Variants in FLRT1 observed in about 807,000 individuals in gnomAD.
FLRT1 encodes leucine-rich repeat transmembrane protein FLRT1.
A neutral mutation model predicts 30.9 loss-of-function variants in FLRT1; 14 were observed. The ratio of observed to expected loss-of-function variants is 0.45; its 90% CI spans 0.30 to 0.71. The LOEUF (loss-of-function observed/expected upper bound fraction) is 0.71. FLRT1 is among the 30% of genes least tolerant of loss of function. FLRT1 has a pLI of 0.08. For missense variants in FLRT1, 737 were observed against 949.2 expected (o/e 0.78, Z 2.94); for synonymous variants, 368 against 430.4 (o/e 0.85, Z 1.80).
intron 1 of FLRT1, among the ~76,000 whole-genome samples, chr11:64,070,652 TCAGGGGCCTCC>T (rs1944091726): frequency 6.6e-6 from 1 of 152,146 alleles, no homozygotes; most frequent in African/African-American, 2.4e-5. Flanking sequence ...GGCTGGGGCC[TCAGGGGCCTCC>T]CAGCTGATCG....
At chr11:64,080,293 G>A (rs980210118) in intron 1 of FLRT1, among the ~76,000 whole-genome samples, 8 of 152,206 alleles carry the variant, frequency 5.3e-5, no homozygotes, top group Admixed American at 2.0e-4. Flanking sequence ...GATTACAGAC[G>A]TGAGCCACTG....
intron 1 of FLRT1, among the ~76,000 whole-genome samples, chr11:64,037,577 G>A (rs1217797815): frequency 6.6e-6 from 1 of 152,196 alleles, no homozygotes; most frequent in African/African-American, 2.4e-5. Flanking sequence ...GGGGGCCCTG[G>A]TAGGTGTGAG....
At chr11:64,115,537 A>G (rs1944961750) in intron 2 of FLRT1, among the ~76,000 whole-genome samples, 1 of 152,222 alleles carries the variant, frequency 6.6e-6, no homozygotes, top group Non-Finnish European at 1.5e-5. Context: ...TTGACACCTC[A>G]TTCTTCTGTC....
Position 64,116,277 on chromosome 11 carries a change from G to GC in FLRT1, c.11dup (p.His5ThrfsTer77), listed in dbSNP as rs1260383413. 6.3e-7 allele frequency: 1 copy of GC among 1,595,380 alleles called. No individual in the cohort carries two copies. Among genetic ancestry groups the GC allele is most frequent in the Non-Finnish European group, 8.5e-7 (1 of 1,173,754 alleles). ...CCCCCAGCCATCCACCATGGTGGTG[G>GC]CACACCCCACCGCCACTGCCACCAC... On this transcript the variant is annotated frameshift_variant, in exon 3 of 3. Transcript: ENST00000682287. LOFTEE classifies it high-confidence loss of function.
chr11:64,050,026 G>A (rs560995049), intron 1 of FLRT1, among the ~76,000 whole-genome samples: 2 of 152,308 alleles, frequency 1.3e-5, no homozygotes, highest in Non-Finnish European at 2.9e-5. Flanking sequence ...ATATTAATAA[G>A]AAATGGCCTG....
At chr11:64,061,702 CTT>C (rs35179984) in intron 1 of FLRT1, among the ~76,000 whole-genome samples, 25 of 141,714 alleles carry the variant, frequency 1.8e-4, no homozygotes, top group Admixed American at 3.5e-4. Flanking sequence ...GTAAATGAGA[CTT>C]TTTTTTTTTT....
intron 2 of FLRT1, among the ~76,000 whole-genome samples, chr11:64,114,214 G>A (rs1944924111): frequency 6.6e-6 from 1 of 151,304 alleles, no homozygotes; most frequent in Non-Finnish European, 1.5e-5. Flanking sequence ...ATGGATGGAT[G>A]GATGAATGGA....
Position 64,117,330 on chromosome 11 carries a change from C to T in FLRT1, c.1063C>T (p.Leu355Phe). 1 of 1,614,100 alleles carries T rather than the reference C, an allele frequency of 6.2e-7. No individual in the cohort carries two copies. Among genetic ancestry groups the T allele is most frequent in the South Asian group, 1.1e-5 (1 of 91,076 alleles). Reference protein sequence around the residue: ...ARAAVVNVRGLMCQGPEKVRG... With the variant: ...ARAAVVNVRGFMCQGPEKVRG... Reference sequence around the variant, plus strand: ...GGCGGCCGTGGTCAACGTGCGGGGCCTCATGTGCCAGGGCCCTGAGAAGGT... The same window carrying T: ...GGCGGCCGTGGTCAACGTGCGGGGCTTCATGTGCCAGGGCCCTGAGAAGGT... Residue 355 changes from leucine (L) to phenylalanine (F), a missense_variant, in exon 3 of 3, where the codon CTC becomes TTC. Transcript: ENST00000682287.
chr11:64,041,584 C>T (rs1381818601), intron 1 of FLRT1, among the ~76,000 whole-genome samples: 1 of 151,546 alleles, frequency 6.6e-6, no homozygotes, highest in African/African-American at 2.4e-5. Flanking sequence ...AGCGAGTGAA[C>T]AGATGAATGA....
intron 1 of FLRT1, among the ~76,000 whole-genome samples, chr11:64,061,157 T>A (rs1167428942): frequency 6.6e-6 from 1 of 152,232 alleles, no homozygotes; most frequent in Non-Finnish European, 1.5e-5. Flanking sequence ...TAGGCTAGGC[T>A]GAGTCTTGTA....
intron 1 of FLRT1, among the ~76,000 whole-genome samples, chr11:64,055,979 C>T (rs997659629): frequency 7.2e-5 from 11 of 152,262 alleles, no homozygotes; most frequent in South Asian, 2.1e-4. Flanking sequence ...CTGGGAGGGA[C>T]GCGCTGTCGG....
Position 64,090,258 on chromosome 11 carries a change from C to A in FLRT1, c.-1037-12936C>A, listed in dbSNP as rs1030724508. Among the ~76,000 whole-genome samples the A allele has an allele frequency of 6.6e-6, 1 of 152,172 alleles. No individual in the cohort carries two copies. The highest frequency in any genetic ancestry group is 6.5e-5 in the Admixed American group (1 of 15,282). On this transcript the variant is annotated intron_variant, in intron 1 of 2. Coordinates refer to ENST00000682287, the MANE Select transcript of FLRT1 (RefSeq NM_013280.5). The surrounding 1 kb of genome is among the most constrained non-coding windows in gnomAD (Gnocchi z 4.7). The stretch of plus-strand genomic sequence containing the variant: ...GGCGTGTGGGTCTCCAGCCTTTGCT[C>A]ATCCTCGGGAAATGCATCGTGCGTT...
chr11:64,079,397 CG>C (rs1412599791), intron 1 of FLRT1, among the ~76,000 whole-genome samples: 1 of 138,570 alleles, frequency 7.2e-6, no homozygotes, highest in Non-Finnish European at 1.6e-5. Context: ...GGAAGGGGGT[CG>C]TTGGGGATGG....
intron 1 of FLRT1, among the ~76,000 whole-genome samples, chr11:64,041,752 A>T (rs921436635): frequency 2.0e-5 from 3 of 151,920 alleles, no homozygotes; most frequent in African/African-American, 7.3e-5. Flanking sequence ...ATCCAATTCC[A>T]CTTCTCTCTG....
Position 64,118,443 on chromosome 11 carries a change from C to A in FLRT1, c.*151C>A. 1 of 917,990 alleles carries A rather than the reference C, an allele frequency of 1.1e-6. No homozygotes were observed. The highest frequency in any genetic ancestry group is 1.5e-6 in the Non-Finnish European group (1 of 650,524). 56.9% of individuals were successfully genotyped at this position (917,990 alleles called of 1,614,324 possible). On this transcript the variant is annotated 3_prime_UTR_variant, in exon 3 of 3. Transcript: ENST00000682287. ...GAAAGCAAAGTTTGGGGAGGGCTGA[C>A]GATTTTGTAGAACACAACAGTGACA...
intron 1 of FLRT1, among the ~76,000 whole-genome samples, chr11:64,058,994 G>A (rs1023214212): frequency 6.6e-6 from 1 of 152,198 alleles, no homozygotes; most frequent in Admixed American, 6.5e-5. Flanking sequence ...CAAAACAGGG[G>A]CTCACTGTCT....
At chr11:64,086,726 C>T (rs1301302245) in intron 1 of FLRT1, among the ~76,000 whole-genome samples, 1 of 152,166 alleles carries the variant, frequency 6.6e-6, no homozygotes, top group African/African-American at 2.4e-5. Flanking sequence ...AAGGAAGGTT[C>T]TCGTGCTCAC....
chr11:64,066,792 C>T (rs1397065908), intron 1 of FLRT1, among the ~76,000 whole-genome samples: 1 of 152,212 alleles, frequency 6.6e-6, no homozygotes, highest in Non-Finnish European at 1.5e-5. Flanking sequence ...ATCCTAACAA[C>T]TATCCTACGA....
chr11:64,071,235 G>A (rs1944102748), intron 1 of FLRT1, among the ~76,000 whole-genome samples: 1 of 152,062 alleles, frequency 6.6e-6, no homozygotes, highest in African/African-American at 2.4e-5. Flanking sequence ...GACCCTGTCA[G>A]GTACCTCTCT....
Sources: gnomAD v4.1 joint callset for allele counts (sites outside exome capture counted in the v4.1 genomes callset) on GRCh38, gnomAD v4.1.1 for gene constraint, Gnocchi (gnomAD v3.1) non-coding constraint, MANE v1.5 for transcripts, NCBI Gene and HGNC (gene_info 2026-07-23, HGNC 2026-07-21) for gene names.